Variants in LINGO2 observed in about 807,000 individuals in gnomAD.
LINGO2 encodes leucine rich repeat and Ig domain containing 2, also known as leucine-rich repeat and immunoglobulin-like domain-containing nogo receptor-interacting protein 2.
LINGO2 carries 14 observed loss-of-function variants against 30.6 expected under a neutral mutation model. The observed-to-expected ratio is 0.46, with a 90% CI of 0.30 to 0.72. The LOEUF (loss-of-function observed/expected upper bound fraction) is 0.72, where lower values mean the gene tolerates loss of function less well. LINGO2 is among the 30% of genes least tolerant of loss of function. LINGO2 has a pLI of 0.07. For missense variants in LINGO2, 729 were observed against 751.7 expected (o/e 0.97, Z 0.35); for synonymous variants, 317 against 288.5 (o/e 1.10, Z -1.00).
At chr9:28,798,163 G>A in the LINGO2 span, among the ~76,000 whole-genome samples, 408 of 152,164 alleles carry the variant, frequency 2.7e-3, 4 homozygotes, top group African/African-American at 9.1e-3. Flanking sequence ...CATTGTTAAG[G>A]TAAGAAAAGA....
chr9:28,975,757 A>G, the LINGO2 span, among the ~76,000 whole-genome samples: 2 of 152,186 alleles, frequency 1.3e-5, no homozygotes, highest in African/African-American at 4.8e-5. Flanking sequence ...CTAGTGTCCT[A>G]TGGAATTACA....
rs1008836207 is a variant in LINGO2 at position 28,170,729 on chromosome 9, T to A, written c.-87+124479A>T. Among the ~76,000 whole-genome samples the A allele has an allele frequency of 2.6e-5, 4 of 152,214 alleles. No individual in the cohort carries two copies. The East Asian group carries it at 7.7e-4, about 29-fold the overall frequency. On this transcript the variant is annotated intron_variant, in intron 4 of 5. Coordinates refer to ENST00000379992, the Ensembl canonical transcript of LINGO2. ...TTTTCCAGCTTCAAGAGGCTTCCTGTATTCCACGGCTCAGGGCCCAGCACC... is the reference window on the plus strand; with the variant it reads ...TTTTCCAGCTTCAAGAGGCTTCCTGAATTCCACGGCTCAGGGCCCAGCACC...
intron 5 of LINGO2, among the ~76,000 whole-genome samples, chr9:27,981,910 A>T (rs1820897070): frequency 6.6e-6 from 1 of 151,890 alleles, no homozygotes; most frequent in Non-Finnish European, 1.5e-5. Flanking sequence ...AGCAACATGT[A>T]CCAGGTTAGT....
intron 1 of LINGO2, among the ~76,000 whole-genome samples, chr9:28,580,917 AT>A (rs1377185345): frequency 1.3e-5 from 2 of 152,058 alleles, no homozygotes; most frequent in South Asian, 4.1e-4. Context: ...CTTTAAAAAA[AT>A]AAACATTTTT....
At chr9:28,182,020 A>G (rs1819362507) in intron 4 of LINGO2, among the ~76,000 whole-genome samples, 1 of 152,200 alleles carries the variant, frequency 6.6e-6, no homozygotes, top group Non-Finnish European at 1.5e-5. Flanking sequence ...ACCCTAAAAA[A>G]AAAGAACAAA....
At chr9:28,111,069 A>T (rs1826766931) in intron 4 of LINGO2, among the ~76,000 whole-genome samples, 1 of 152,178 alleles carries the variant, frequency 6.6e-6, no homozygotes, top group Non-Finnish European at 1.5e-5. Flanking sequence ...AAAAATAATG[A>T]GTTCATGTCC....
intron 1 of LINGO2, among the ~76,000 whole-genome samples, chr9:28,523,622 G>A (rs543592533): frequency 6.6e-6 from 1 of 152,094 alleles, no homozygotes; most frequent in East Asian, 1.9e-4. Context: ...AAAATCAATT[G>A]CATATACACA....
chr9:28,217,097 T>C (rs1309183997), intron 4 of LINGO2, among the ~76,000 whole-genome samples: 3 of 150,474 alleles, frequency 2.0e-5, no homozygotes, highest in African/African-American at 7.3e-5. Context: ...CATGATAAAA[T>C]ATATAATATG....
the LINGO2 span, among the ~76,000 whole-genome samples, chr9:28,675,794 C>A: frequency 6.6e-4 from 99 of 150,426 alleles, no homozygotes; most frequent in East Asian, 0.013. Context: ...TTGCTTGAAC[C>A]TGGGAGGCAG....
At chr9:28,399,387 T>C (rs1003412394) in intron 2 of LINGO2, among the ~76,000 whole-genome samples, 1 of 152,192 alleles carries the variant, frequency 6.6e-6, no homozygotes, top group Admixed American at 6.5e-5. Context: ...CTAAAAAGTA[T>C]ATAAATATTG....
chr9:28,100,709 C>T (rs1826389452), intron 4 of LINGO2, among the ~76,000 whole-genome samples: 1 of 152,166 alleles, frequency 6.6e-6, no homozygotes, highest in Non-Finnish European at 1.5e-5. Context: ...TTACCTTATT[C>T]ATCTCAGGGA....
intron 1 of LINGO2, among the ~76,000 whole-genome samples, chr9:28,479,911 GTATATATATATATATATATATATA>G (rs58972403): frequency 0.013 from 641 of 49,734 alleles, 19 homozygotes; most frequent in African/African-American, 0.035. Context: ...ATATACGTAG[GTATATATATATATATATATATATA>G]TATATATATA....
chr9:28,021,299 T>C (rs536980483), intron 4 of LINGO2, among the ~76,000 whole-genome samples: 4 of 152,324 alleles, frequency 2.6e-5, no homozygotes, highest in African/African-American at 7.2e-5. Context: ...TTTCTAAATA[T>C]TTGACATTTT....
chr9:28,472,484 C>T (rs373628350), intron 2 of LINGO2, among the ~76,000 whole-genome samples: 10 of 151,604 alleles, frequency 6.6e-5, no homozygotes, highest in Admixed American at 3.3e-4. Flanking sequence ...ACTGTCAGAC[C>T]GAAGATAATC....
chr9:28,188,641 C>T lies in LINGO2; in HGVS notation c.-87+106567G>A, dbSNP rs770700449. On this transcript the variant is annotated intron_variant, in intron 4 of 5. Transcript: ENST00000379992. Reference sequence around the variant, plus strand: ...ATAAGAGGCAGTTAAAAAAAAGTGACGGAGATTTCCTAGACATTCTTATGT... The same window carrying T: ...ATAAGAGGCAGTTAAAAAAAAGTGATGGAGATTTCCTAGACATTCTTATGT... Among the ~76,000 whole-genome samples the T allele has an allele frequency of 2.6e-5, 4 of 152,060 alleles. No individual in the cohort carries two copies. The South Asian group carries it at 6.2e-4, about 24-fold the overall frequency.
chr9:28,743,872 A>T, the LINGO2 span, among the ~76,000 whole-genome samples: 1 of 151,710 alleles, frequency 6.6e-6, no homozygotes, highest in Non-Finnish European at 1.5e-5. Context: ...AAATTTGGAA[A>T]CTTCCCAGGA....
intron 4 of LINGO2, among the ~76,000 whole-genome samples, chr9:28,153,661 G>A (rs1331983098): frequency 6.6e-6 from 1 of 152,054 alleles, no homozygotes; most frequent in East Asian, 1.9e-4. Context: ...ATTTTTAAAC[G>A]TTTTCTAATT....
At chr9:28,019,540 C>A (rs1823010879) in intron 4 of LINGO2, among the ~76,000 whole-genome samples, 1 of 151,976 alleles carries the variant, frequency 6.6e-6, no homozygotes, top group South Asian at 2.1e-4. Context: ...TATATTTAAT[C>A]TATGAGTATT....
the LINGO2 span, among the ~76,000 whole-genome samples, chr9:29,013,759 A>C: frequency 6.6e-6 from 1 of 152,174 alleles, no homozygotes; most frequent in Non-Finnish European, 1.5e-5. Context: ...TTCTATTTCC[A>C]GTGGGAAAAC....
Sources: gnomAD v4.1 joint callset for allele counts (sites outside exome capture counted in the v4.1 genomes callset) on GRCh38, gnomAD v4.1.1 for gene constraint, MANE v1.5 for transcripts, NCBI Gene and HGNC (gene_info 2026-07-23, HGNC 2026-07-21) for gene names.